Variants in DGKI observed in about 807,000 individuals in gnomAD.
DGKI encodes diacylglycerol kinase iota, also known as DAG kinase iota.
A neutral mutation model predicts 147.5 loss-of-function variants in DGKI; 55 were observed. The ratio of observed to expected loss-of-function variants is 0.37; its 90% confidence interval spans 0.30 to 0.47. DGKI has a LOEUF of 0.47. Ranked by LOEUF, DGKI falls within the 20% of genes least tolerant of loss-of-function variation. The pLI, the probability that DGKI is intolerant of heterozygous loss-of-function variation, is 1.00. For missense variants in DGKI, 1,007 were observed against 1,323.8 expected, an observed-to-expected ratio of 0.76 and a Z score of 3.71; for synonymous variants, 469 against 477.1, an observed-to-expected ratio of 0.98 and a Z score of 0.22.
chr7:137,686,431 G>C (rs1439726375), intron 2 of DGKI, among the ~76,000 whole-genome samples: 1 of 152,190 alleles, frequency 6.6e-6, no homozygotes, highest in Non-Finnish European at 1.5e-5. Context: ...GAAAATGACT[G>C]TGCACAGGCA....
chr7:137,656,092 A>G (rs1478587521), intron 4 of DGKI, among the ~76,000 whole-genome samples: 2 of 152,246 alleles, frequency 1.3e-5, no homozygotes, highest in African/African-American at 4.8e-5. Context: ...GATATATGTG[A>G]ACAACAATTA....
intron 1 of DGKI, among the ~76,000 whole-genome samples, chr7:137,762,240 A>T (rs1169029603): frequency 3.3e-5 from 5 of 152,200 alleles, no homozygotes; most frequent in African/African-American, 1.2e-4. Flanking sequence ...CGATCTTCTT[A>T]ATAGATTCCT....
intron 20 of DGKI, among the ~76,000 whole-genome samples, chr7:137,549,783 T>C (rs1026697477): frequency 1.3e-5 from 2 of 152,190 alleles, no homozygotes; most frequent in Admixed American, 6.5e-5. Flanking sequence ...TGGAAGACCT[T>C]AGATTTCAAA....
chr7:137,834,148 T>C lies in DGKI; in HGVS notation c.401+12314A>G, dbSNP rs997568344. The stretch of plus-strand genomic sequence containing the variant: ...ACAGTTCTTGGCAAGTAGGACCTCA[T>C]ATTAATGTTGAAGGTATATCATTGA... On this transcript the variant is annotated intron_variant, in intron 1 of 32. Transcript: ENST00000614521. Among the ~76,000 whole-genome samples, 5 of 152,334 alleles carry C rather than the reference T, an allele frequency of 3.3e-5. No individual in the cohort carries two copies. The East Asian group carries it at 7.7e-4, about 23-fold the overall frequency.
rs1168108782 is a variant in DGKI, at chr7:137,720,899, C to A, written c.402-30897G>T. On this transcript the variant is annotated intron_variant, in intron 1 of 32. Coordinates refer to ENST00000614521, the MANE Select transcript of DGKI (RefSeq NM_001321708.2). ...AGCTTTTTTACTATCGTCTCCTAAT[C>A]CTCTACCCTAGAGGCAGCCCTGTTA... is the stretch of plus-strand genomic sequence containing the variant. 5.9e-5 allele frequency among the ~76,000 whole-genome samples: 9 copies of A among 152,164 alleles called. No homozygotes were observed. In the South Asian group the frequency reaches 1.9e-3, roughly 32 times the overall value.
chr7:137,772,133 A>C (rs1796220529), intron 1 of DGKI: 1 of 152,234 alleles, frequency 6.6e-6, no homozygotes, highest in Non-Finnish European at 1.5e-5. Context: ...GGGAAAATTA[A>C]GGTAACAAGA....
At chr7:137,841,998 T>A (rs200129226) in intron 1 of DGKI, among the ~76,000 whole-genome samples, 4 of 152,202 alleles carry the variant, frequency 2.6e-5, no homozygotes, top group South Asian at 2.1e-4. Flanking sequence ...CGGACAGTGG[T>A]TGAATTGAAA....
chr7:137,620,013 A>ACACACG, intron 7 of DGKI, 73 bp from the exon 8 acceptor site: 1 of 717,364 alleles, frequency 1.4e-6, no homozygotes, highest in South Asian at 1.6e-5. Context: ...ATAAATATGT[A>ACACACG]CACACGCACA....
intron 14 of DGKI, among the ~76,000 whole-genome samples, chr7:137,584,930 T>A (rs1008956438): frequency 1.3e-5 from 2 of 152,208 alleles, no homozygotes; most frequent in Non-Finnish European, 2.9e-5. Context: ...ACATGAATGA[T>A]TAAGACAAAA....
intron 1 of DGKI, among the ~76,000 whole-genome samples, chr7:137,712,254 T>C (rs562085455): frequency 3.3e-5 from 5 of 152,288 alleles, no homozygotes; most frequent in African/African-American, 4.8e-5. Flanking sequence ...TTAAAATGGG[T>C]AGGGAATACT....
intron 3 of DGKI, among the ~76,000 whole-genome samples, 184 bp downstream of exon 3, chr7:137,678,373 G>A (rs1172702902): frequency 6.6e-6 from 1 of 152,104 alleles, no homozygotes; most frequent in African/African-American, 2.4e-5. Flanking sequence ...AAACCATTAC[G>A]AGCGACAACC....
intron 1 of DGKI, among the ~76,000 whole-genome samples, chr7:137,777,952 G>A (rs537156073): frequency 3.3e-5 from 5 of 152,276 alleles, no homozygotes; most frequent in South Asian, 4.1e-4. Flanking sequence ...TATTCAGTCC[G>A]TTCACCTTCC....
chr7:137,838,745 C>T (rs1324710409), intron 1 of DGKI, among the ~76,000 whole-genome samples: 1 of 152,126 alleles, frequency 6.6e-6, no homozygotes, highest in Non-Finnish European at 1.5e-5. Context: ...TTTATTTGTC[C>T]AACAAATATT....
At chr7:137,627,735 T>C (rs762296999) in intron 6 of DGKI, among the ~76,000 whole-genome samples, 1 of 152,232 alleles carries the variant, frequency 6.6e-6, no homozygotes, top group Admixed American at 6.5e-5. Flanking sequence ...TTATTAAGTC[T>C]TAAATGCAAT....
intron 20 of DGKI, among the ~76,000 whole-genome samples, chr7:137,537,590 C>T (rs138045332): frequency 6.6e-6 from 1 of 152,114 alleles, no homozygotes; most frequent in Non-Finnish European, 1.5e-5. Flanking sequence ...TTGGTACCCT[C>T]GAAATTGGTT....
chr7:137,460,614 C>T (rs1256455189), intron 27 of DGKI, among the ~76,000 whole-genome samples: 1 of 152,136 alleles, frequency 6.6e-6, no homozygotes, highest in African/African-American at 2.4e-5. Flanking sequence ...AGTTGAGCAT[C>T]CCAAATCCAA....
intron 19 of DGKI, among the ~76,000 whole-genome samples, chr7:137,566,300 T>A (rs1818582958): frequency 2.0e-5 from 3 of 152,060 alleles, no homozygotes; most frequent in Admixed American, 6.5e-5. Flanking sequence ...CTTAGAAATA[T>A]AAGCAATATA....
intron 26 of DGKI, among the ~76,000 whole-genome samples, chr7:137,464,346 T>C (rs1292627638): frequency 2.0e-5 from 3 of 151,724 alleles, no homozygotes; most frequent in Non-Finnish European, 1.5e-5. Context: ...ACTTTCTCCT[T>C]ACTAGATCAA....
At chr7:137,609,663 TC>T in intron 8 of DGKI, 54 bp from the exon 9 acceptor site, 1 of 1,337,720 alleles carries the variant, frequency 7.5e-7, no homozygotes, top group Non-Finnish European at 1.1e-6. Flanking sequence ...CCAGGAGCTT[TC>T]CCATGCAGAA....
Sources: allele counts gnomAD v4.1 joint callset (sites outside exome capture counted in the v4.1 genomes callset), GRCh38; gene constraint gnomAD v4.1.1; transcripts MANE v1.5; gene names NCBI Gene and HGNC (gene_info 2026-07-23, HGNC 2026-07-21).